Variants in RIMBP2 observed in about 807,000 individuals in gnomAD.
RIMBP2 encodes the protein RIMS binding protein 2.
A neutral mutation model predicts 118.6 loss-of-function variants in RIMBP2; 48 were observed. The ratio of observed to expected loss-of-function variants is 0.40; its 90% CI spans 0.32 to 0.51. The LOEUF (loss-of-function observed/expected upper bound fraction) is 0.51, where lower values mean the gene tolerates loss of function less well. RIMBP2 is among the 20% of genes least tolerant of loss of function. The probability of loss-of-function intolerance (pLI) is 0.41; values close to 1 mark genes in which losing one functional copy is unlikely to be tolerated. For missense variants in RIMBP2, 1,551 were observed against 1,768.3 expected, an observed-to-expected ratio of 0.88 and a Z score of 2.20; for synonymous variants, 762 against 742.9, an observed-to-expected ratio of 1.03 and a Z score of -0.42.
chr12:130,608,323 G>A (rs10848159), intron 2 of RIMBP2, among the ~76,000 whole-genome samples: 71,335 of 152,136 alleles, frequency 0.47, 17,277 homozygotes, highest in Admixed American at 0.54. Flanking sequence ...CACCACAGGG[G>A]GTCGCAGACA....
At position 130,511,041 on chromosome 12, in the gene RIMBP2, G is replaced by A. The variant is rs1481390653; in HGVS notation, c.-126-4271C>T. On this transcript the variant is annotated intron_variant, in intron 3 of 22. Coordinates refer to ENST00000690449, the MANE Select transcript of RIMBP2 (RefSeq NM_001393629.1). The surrounding 1 kb of genome is among the most constrained non-coding windows in gnomAD (Gnocchi z 4.3). ...GTCTGTGAATATATCACTTTTTGTG[G>A]CAGAACGGACCCTGAAGATGGGATT... Among the ~76,000 whole-genome samples the A allele has an allele frequency of 3.9e-5, 6 of 152,162 alleles. No individual in the cohort carries two copies. Among genetic ancestry groups the A allele is most frequent in the African/African-American group, 1.2e-4 (5 of 41,444 alleles).
intron 1 of RIMBP2, among the ~76,000 whole-genome samples, chr12:130,708,280 G>A (rs1949645612): frequency 6.6e-6 from 1 of 152,192 alleles, no homozygotes; most frequent in Non-Finnish European, 1.5e-5. Context: ...TTGAGGTGAT[G>A]AAAATGTTCT....
Position 130,445,714 on chromosome 12 carries a change from T to C in RIMBP2, c.582-445A>G, listed in dbSNP as rs531748281. ...CACCTTGCAAGATAGCATCCTATACTTCTACCTCTTGAAATATTATCATCA... is the reference window on the plus strand; with the variant it reads ...CACCTTGCAAGATAGCATCCTATACCTCTACCTCTTGAAATATTATCATCA... On this transcript the variant is annotated intron_variant, in intron 9 of 22. Coordinates refer to ENST00000690449, the MANE Select transcript of RIMBP2 (RefSeq NM_001393629.1). Among the ~76,000 whole-genome samples the C allele has an allele frequency of 2.9e-4, 44 of 152,336 alleles. 2 individuals carry two copies. The highest frequency in any genetic ancestry group is 2.8e-3 in the Admixed American group (43 of 15,296).
intron 13 of RIMBP2, among the ~76,000 whole-genome samples, 188 bp downstream of exon 13, chr12:130,436,654 A>G (rs1413691735): frequency 6.6e-6 from 1 of 152,202 alleles, no homozygotes; most frequent in East Asian, 1.9e-4. Flanking sequence ...AGCAAATAAA[A>G]AACACCATTT....
At chr12:130,432,976 T>C (rs1436880252) in intron 14 of RIMBP2, among the ~76,000 whole-genome samples, 1 of 152,110 alleles carries the variant, frequency 6.6e-6, no homozygotes, top group East Asian at 1.9e-4. Flanking sequence ...AAATAAAAGG[T>C]ACCTGGGGCC....
At chr12:130,713,779 G>T (rs116389357) in intron 1 of RIMBP2, among the ~76,000 whole-genome samples, 1,761 of 152,298 alleles carry the variant, frequency 0.012, 28 homozygotes, top group African/African-American at 0.04. Context: ...CAGGCCCTCT[G>T]GTCCCTGAGG....
At chr12:130,610,551 CTTTTTTTTT>C (rs386378269) in intron 2 of RIMBP2, among the ~76,000 whole-genome samples, 15,263 of 81,202 alleles carry the variant, frequency 0.19, 855 homozygotes, top group East Asian at 0.4. Context: ...AATTTTCCTG[CTTTTTTTTT>C]TTTTTTTTTT....
intron 1 of RIMBP2, among the ~76,000 whole-genome samples, chr12:130,693,178 G>T (rs181366653): frequency 5.9e-5 from 9 of 152,178 alleles, no homozygotes; most frequent in African/African-American, 1.9e-4. Flanking sequence ...TCTCCCCACC[G>T]TGTCCATGAG....
chr12:130,651,517 A>G (rs1445027093), intron 1 of RIMBP2: 1 of 152,246 alleles, frequency 6.6e-6, no homozygotes, highest in Non-Finnish European at 1.5e-5. Context: ...GGAGAAAACC[A>G]CGGGCAGCCC....
At chr12:130,401,980 C>G (rs1448511897) in intron 21 of RIMBP2, among the ~76,000 whole-genome samples, 1 of 152,218 alleles carries the variant, frequency 6.6e-6, no homozygotes, top group African/African-American at 2.4e-5. Flanking sequence ...AGCCAGGCCT[C>G]CAGGCCAGCC....
At chr12:130,572,464 C>T (rs190094381) in intron 2 of RIMBP2, among the ~76,000 whole-genome samples, 4 of 152,142 alleles carry the variant, frequency 2.6e-5, no homozygotes, top group African/African-American at 4.8e-5. Flanking sequence ...CTGGGCCTGA[C>T]GGTGGACTCA....
intron 2 of RIMBP2, among the ~76,000 whole-genome samples, chr12:130,604,145 C>T (rs2060024279): frequency 1.3e-5 from 2 of 152,076 alleles, no homozygotes; most frequent in East Asian, 1.9e-4. Flanking sequence ...ATTTTTAAAA[C>T]ATTTTAAACG....
At chr12:130,492,598 A>C (rs548213296) in intron 4 of RIMBP2, among the ~76,000 whole-genome samples, 2 of 152,272 alleles carry the variant, frequency 1.3e-5, no homozygotes, top group South Asian at 2.1e-4. Context: ...TCTCACACAC[A>C]GTTTCTGTCC....
rs114761504 is a variant in RIMBP2, at chr12:130,572,869, G to A, written c.-216-54952C>T. ...CACCAACTCAGGGGACAGGTGGAGC[G>A]AGGCAGGAGCCAGGGTAGGAGCAGG... On this transcript the variant is annotated intron_variant, in intron 2 of 22. Transcript: ENST00000690449. Among the ~76,000 whole-genome samples the A allele has an allele frequency of 5.2e-3, 789 of 152,268 alleles. 4 individuals carry two copies. Among genetic ancestry groups the A allele is most frequent in the African/African-American group, 0.018 (749 of 41,560 alleles).
At chr12:130,410,087 A>T (rs1394706710) in intron 19 of RIMBP2, among the ~76,000 whole-genome samples, 3 of 152,218 alleles carry the variant, frequency 2.0e-5, no homozygotes, top group Admixed American at 2.0e-4. Flanking sequence ...AGCCATTCTC[A>T]GTGTGTGTGC....
intron 2 of RIMBP2, among the ~76,000 whole-genome samples, chr12:130,618,693 C>T (rs978997448): frequency 1.3e-5 from 2 of 152,164 alleles, no homozygotes; most frequent in Non-Finnish European, 2.9e-5. Context: ...AAAATGCCTT[C>T]CATGGAAAGT....
chr12:130,708,679 C>T (rs1949674590), intron 1 of RIMBP2, among the ~76,000 whole-genome samples: 1 of 152,118 alleles, frequency 6.6e-6, no homozygotes, highest in Admixed American at 6.6e-5. Flanking sequence ...CAGTGAGACC[C>T]TGTCTCAAAA....
At chr12:130,588,515 G>A (rs1593928407) in intron 2 of RIMBP2, among the ~76,000 whole-genome samples, 4 of 152,236 alleles carry the variant, frequency 2.6e-5, no homozygotes, top group African/African-American at 4.8e-5. Context: ...CGGTCACTGC[G>A]AGTCACCCAA....
intron 1 of RIMBP2, among the ~76,000 whole-genome samples, chr12:130,684,419 A>C (rs1056470763): frequency 4.6e-5 from 7 of 152,214 alleles, no homozygotes; most frequent in Admixed American, 3.3e-4. Context: ...TATTTGGCTC[A>C]GAATAAATCT....
Sources: gnomAD v4.1 joint callset for allele counts (sites outside exome capture counted in the v4.1 genomes callset) on GRCh38, gnomAD v4.1.1 for gene constraint, Gnocchi (gnomAD v3.1) non-coding constraint, MANE v1.5 for transcripts, NCBI Gene and HGNC (gene_info 2026-07-23, HGNC 2026-07-21) for gene names.